The following MTRR variants were observed in gnomAD, a reference collection of about 807,000 sequenced individuals.
MTRR encodes methionine synthase reductase.
A neutral mutation model predicts 79.2 loss-of-function variants in MTRR; 63 were observed. The observed-to-expected ratio is 0.80, with a 90% CI of 0.65 to 0.98. The LOEUF is 0.98. MTRR is among the 50% of genes least tolerant of loss of function. The pLI is 0.00. For missense variants in MTRR, 895 were observed against 839.6 expected, an observed-to-expected ratio of 1.07 and a Z score of -0.82; for synonymous variants, 355 against 313.3, an observed-to-expected ratio of 1.13 and a Z score of -1.41.
chr5:7,878,789 C>T (rs1735016781), intron 5 of MTRR, among the ~76,000 whole-genome samples: 1 of 152,184 alleles, frequency 6.6e-6, no homozygotes, highest in African/African-American at 2.4e-5. Context: ...AATTTCTCCC[C>T]ACAGGCAGTG....
Position 7,897,082 on chromosome 5 carries a change from T to G in MTRR, c.1787T>G (p.Phe596Cys), listed in dbSNP as rs752176401. 6.2e-7 allele frequency: 1 copy of G among 1,614,180 alleles called. No individual in the cohort carries two copies. Among genetic ancestry groups the G allele is most frequent in the South Asian group, 1.1e-5 (1 of 91,084 alleles). Residue 596 changes from phenylalanine to cysteine, a missense_variant, in exon 14 of 15, where the codon TTC (phenylalanine) becomes TGC (cysteine). Phe to Cys is a radical substitution (Grantham distance 205). Transcript: ENST00000440940. ...DYLFRKELRHFLKHGILTHLK... is the reference protein window; with the variant it reads ...DYLFRKELRHCLKHGILTHLK... ...TATTTCAGAAAAGAGCTCAGACATT[T>G]CCTTAAGCATGGGATCTTAACTCAT...
chr5:7,875,979 G>T (rs1196026088), intron 4 of MTRR, among the ~76,000 whole-genome samples: 1 of 152,186 alleles, frequency 6.6e-6, no homozygotes, highest in Non-Finnish European at 1.5e-5. Context: ...TGTTTATTCA[G>T]TGGTCCTACA....
chr5:7,858,582 T>A (rs1431645366), intron 1 of MTRR, among the ~76,000 whole-genome samples: 1 of 152,172 alleles, frequency 6.6e-6, no homozygotes, highest in Non-Finnish European at 1.5e-5. Flanking sequence ...GTAAAAACCA[T>A]GATGGGGTAG....
chr5:7,856,508 T>G (rs1021573875), intron 1 of MTRR, among the ~76,000 whole-genome samples: 1 of 152,130 alleles, frequency 6.6e-6, no homozygotes, highest in Non-Finnish European at 1.5e-5. Flanking sequence ...GGAACACACG[T>G]GTACCAATAA....
At chr5:7,861,484 G>A (rs1746528020) in intron 1 of MTRR, 1 of 864,868 alleles carries the variant, frequency 1.2e-6, no homozygotes, top group Non-Finnish European at 1.7e-6. Context: ...TTAATTTCCA[G>A]AATCATATCT....
At chr5:7,884,105 A>G (rs1026835198) in intron 6 of MTRR, among the ~76,000 whole-genome samples, 1 of 152,198 alleles carries the variant, frequency 6.6e-6, no homozygotes, top group South Asian at 2.1e-4. Flanking sequence ...TTGAGACTAC[A>G]GTGGGCTGTA....
chr5:7,867,367 A>C (rs772086577), upstream of MTRR: 1 of 1,560,690 alleles, frequency 6.4e-7, no homozygotes, highest in African/African-American at 1.3e-5. Flanking sequence ...GTTGATTTAT[A>C]ATGAGTTCTA....
rs1738612448 is a variant in MTRR, at chr5:7,896,875, A to G, written c.1688A>G (p.Gln563Arg). 6.2e-7 allele frequency: 1 copy of G among 1,614,140 alleles called. No homozygotes were observed. ...TTTTTTCCACTTAGAGAGAAACTCCAAGAACAACACCCAGATGGAAATTTT... is the reference window on the plus strand; with the variant it reads ...TTTTTTCCACTTAGAGAGAAACTCCGAGAACAACACCCAGATGGAAATTTT... ...IGFLQHREKL[Q>R]EQHPDGNFGA... is the part of the protein sequence containing the mutation. The change falls in exon 13 of 15, where the codon CAA (glutamine) becomes CGA (arginine). Residue 563 changes from glutamine (Q) to arginine (R), a missense_variant. Gln to Arg is a conservative substitution (Grantham distance 43). Coordinates refer to ENST00000440940, the MANE Select transcript of MTRR (RefSeq NM_002454.3).
At chr5:7,887,801 T>TATATATATATATAC (rs1736834617) in intron 8 of MTRR, among the ~76,000 whole-genome samples, 1 of 26,382 alleles carries the variant, frequency 3.8e-5, no homozygotes, top group South Asian at 9.9e-4. Context: ...TGCATATATA[T>TATATATATATATAC]ATATATATAT....
chr5:7,878,881 T>A (rs3776464), intron 5 of MTRR, among the ~76,000 whole-genome samples: 6,716 of 152,312 alleles, frequency 0.044, 276 homozygotes, highest in East Asian at 0.19. Flanking sequence ...TAAGCCCTCT[T>A]TCTGTTGAGT....
At chr5:7,897,424 G>A (rs1738727371) in intron 14 of MTRR, among the ~76,000 whole-genome samples, 177 bp downstream of exon 14, 1 of 152,156 alleles carries the variant, frequency 6.6e-6, no homozygotes, top group South Asian at 2.1e-4. Flanking sequence ...TAGCCCAGAG[G>A]TTGTTATTAT....
chr5:7,870,666 G>C (rs1020358980), intron 1 of MTRR, 104 bp from the exon 2 acceptor site: 3 of 1,218,258 alleles, frequency 2.5e-6, no homozygotes, highest in African/African-American at 3.0e-5. Flanking sequence ...TTCATATTAT[G>C]TGTGGGTATT....
At chr5:7,858,066 T>C (rs1021415243) in intron 1 of MTRR, among the ~76,000 whole-genome samples, 3 of 152,172 alleles carry the variant, frequency 2.0e-5, no homozygotes, top group South Asian at 2.1e-4. Context: ...GCTTTTAACC[T>C]CACACCACAT....
chr5:7,867,426 T>C (rs764564224), upstream of MTRR: 8 of 1,614,196 alleles, frequency 5.0e-6, no homozygotes. Context: ...TCCCCAAGAA[T>C]ACAAAGATTG....
intron 5 of MTRR, among the ~76,000 whole-genome samples, chr5:7,879,441 C>T (rs1386169327): frequency 7.4e-5 from 9 of 120,864 alleles, no homozygotes; most frequent in South Asian, 5.1e-4. Context: ...CCAGCCTGAG[C>T]GACAGAGTAA....
upstream of MTRR, chr5:7,851,131 T>G (rs1579508741): frequency 8.3e-7 from 1 of 1,201,700 alleles, no homozygotes; most frequent in Non-Finnish European, 1.0e-6. Context: ...CTAGCCCGCG[T>G]CTGTGTTCGG....
chr5:7,861,736 G>C (rs1207871383), intron 1 of MTRR: 2 of 1,533,556 alleles, frequency 1.3e-6, no homozygotes, highest in Non-Finnish European at 1.8e-6. Context: ...GCTTTGCTTT[G>C]ATTCCTTCCA....
At chr5:7,859,392 A>G in intron 1 of MTRR, 1 of 1,311,148 alleles carries the variant, frequency 7.6e-7, no homozygotes, top group Admixed American at 2.0e-5. Flanking sequence ...TGAGTTCCAT[A>G]AAAATGCAAG....
chr5:7,859,143 G>C (rs1022392980), intron 1 of MTRR: 2 of 184,760 alleles, frequency 1.1e-5, no homozygotes, highest in African/African-American at 4.7e-5. Context: ...TCATTTAGCA[G>C]ATAACTATGA....
Sources: gnomAD v4.1 joint callset for allele counts (sites outside exome capture counted in the v4.1 genomes callset) on GRCh38, gnomAD v4.1.1 for gene constraint, MANE v1.5 for transcripts, NCBI Gene and HGNC (gene_info 2026-07-23, HGNC 2026-07-21) for gene names.